BCR: variants seen among roughly 807,000 people sequenced by gnomAD.
BCR encodes the protein BCR activator of RhoGEF and GTPase, also known as breakpoint cluster region protein.
Under a neutral mutation model 138.6 loss-of-function variants are expected in BCR, and 58 were observed. The observed-to-expected ratio is 0.42, with a 90% CI of 0.34 to 0.52. BCR has a LOEUF of 0.52. BCR is among the 20% of genes least tolerant of loss of function. The pLI, the probability that BCR is intolerant of heterozygous loss-of-function variation, is 0.06. For missense variants in BCR, 1,599 were observed against 1,727.2 expected, an observed-to-expected ratio of 0.93 and a Z score of 1.32; for synonymous variants, 786 against 730.1, an observed-to-expected ratio of 1.08 and a Z score of -1.23.
intron 1 of BCR, chr22:23,198,505 C>T: frequency 3.8e-6 from 1 of 262,792 alleles, no homozygotes; most frequent in Non-Finnish European, 7.6e-6. Context: ...ATGGGCCTGA[C>T]ATGTTGTAGC....
At chr22:23,294,313 C>T (rs776035473) in intron 15 of BCR, among the ~76,000 whole-genome samples, 1 of 152,158 alleles carries the variant, frequency 6.6e-6, no homozygotes, top group Non-Finnish European at 1.5e-5. Flanking sequence ...CGTGGAATGA[C>T]GTGTATCCAC....
At chr22:23,287,086 G>T in intron 10 of BCR, 73 bp from the exon 11 acceptor site, 1 of 1,550,052 alleles carries the variant, frequency 6.5e-7, no homozygotes, top group East Asian at 2.4e-5. Flanking sequence ...GCTGGTGGTG[G>T]GGATGGATGG....
intron 4 of BCR, chr22:23,262,710 CG>C: frequency 1.3e-6 from 1 of 772,776 alleles, no homozygotes; most frequent in Non-Finnish European, 1.6e-6. Flanking sequence ...CGGGTGAGGG[CG>C]GGCCCGGGTG....
chr22:23,309,954 C>T (rs2330371), intron 17 of BCR: 1 of 341,318 alleles, frequency 2.9e-6, no homozygotes, highest in Non-Finnish European at 5.5e-6. Flanking sequence ...AAGAGAAAGC[C>T]AGGCACAGTG....
At chr22:23,260,329 G>T (rs1381522388) in intron 2 of BCR, among the ~76,000 whole-genome samples, 2 of 152,200 alleles carry the variant, frequency 1.3e-5, no homozygotes, top group Non-Finnish European at 2.9e-5. Context: ...TGATGTCAGG[G>T]TCTAAAAAGC....
chr22:23,204,787 C>T (rs2072593189), intron 1 of BCR, among the ~76,000 whole-genome samples: 1 of 152,190 alleles, frequency 6.6e-6, no homozygotes, highest in Non-Finnish European at 1.5e-5. Context: ...CAGCGGGAGG[C>T]CCTGCCGTCC....
rs1045477757 is a variant in BCR at position 23,261,375 on chromosome 22, C to T, written c.1587C>T (p.Ala529=). The change falls in exon 4 of 23, where the codon GCC becomes GCT. Residue 529 remains alanine (A), a synonymous_variant. Transcript: ENST00000305877. The part of the protein sequence containing the change: ...ALLLPMKPLK[A]AATTSQPVLT... ...TCCAGCCCATGAAGCCTTTGAAAGC[C>T]GCTGCCACCACCTCTCAGCCGGTGC... 26 of 1,612,868 alleles carry T rather than the reference C, an allele frequency of 1.6e-5. No individual in the cohort carries two copies. The highest frequency in any genetic ancestry group is 1.6e-4 in the Middle Eastern group (1 of 6,082).
intron 22 of BCR, 35 bp from the exon 23 acceptor site, chr22:23,315,398 G>A (rs1376163590): frequency 6.2e-7 from 1 of 1,602,708 alleles, no homozygotes; most frequent in Non-Finnish European, 8.5e-7. Context: ...GCCCCGCTCT[G>A]AGCCACTCTT....
chr22:23,280,371 C>T (rs1256252521), intron 8 of BCR, among the ~76,000 whole-genome samples: 2 of 152,176 alleles, frequency 1.3e-5, no homozygotes, highest in African/African-American at 4.8e-5. Flanking sequence ...ATAATGTGAC[C>T]TCACAGGGCC....
intron 8 of BCR, among the ~76,000 whole-genome samples, chr22:23,275,108 C>A (rs1157836666): frequency 1.3e-5 from 2 of 152,172 alleles, no homozygotes; most frequent in African/African-American, 4.8e-5. Flanking sequence ...CTGCCACACA[C>A]CACTTTGGGA....
chr22:23,290,132 G>A, intron 13 of BCR: 2 of 644,046 alleles, frequency 3.1e-6, no homozygotes, highest in Non-Finnish European at 5.6e-6. Context: ...TGGTTTGCCT[G>A]TATTGTGAAA....
At chr22:23,302,588 A>T (rs1489338738) in intron 16 of BCR, 3 of 152,442 alleles carry the variant, frequency 2.0e-5, no homozygotes, top group Admixed American at 1.3e-4. Flanking sequence ...AAAAGCCCAG[A>T]TTCAAAAAGG....
At chr22:23,201,155 C>A (rs1280003890) in intron 1 of BCR, among the ~76,000 whole-genome samples, 1 of 152,252 alleles carries the variant, frequency 6.6e-6, no homozygotes, top group African/African-American at 2.4e-5. Context: ...ACGTGCGCAG[C>A]TGGTCTGATT....
At chr22:23,216,613 A>G (rs2072755789) in intron 1 of BCR, among the ~76,000 whole-genome samples, 1 of 152,244 alleles carries the variant, frequency 6.6e-6, no homozygotes, top group Non-Finnish European at 1.5e-5. Context: ...ACCATCCCAA[A>G]GTTTAGAGGC....
intron 1 of BCR, among the ~76,000 whole-genome samples, chr22:23,197,637 T>A (rs1191102109): frequency 6.6e-6 from 1 of 152,050 alleles, no homozygotes. Flanking sequence ...TCATCCTATG[T>A]GGGTCTCCGA....
intron 1 of BCR, among the ~76,000 whole-genome samples, chr22:23,205,798 T>C (rs1237583311): frequency 6.6e-6 from 1 of 152,174 alleles, no homozygotes; most frequent in East Asian, 1.9e-4. Context: ...TGTGAGCATG[T>C]GAAACTATAA....
At chr22:23,301,980 A>C (rs777114201) in intron 16 of BCR, among the ~76,000 whole-genome samples, 9 of 152,172 alleles carry the variant, frequency 5.9e-5, no homozygotes, top group Non-Finnish European at 1.2e-4. Flanking sequence ...GACTGTGGGC[A>C]CCACCACAGC....
chr22:23,250,809 C>G lies in BCR; in HGVS notation c.1280-2990C>G, dbSNP rs566061911. Among the ~76,000 whole-genome samples, 132 of 152,218 alleles carry G rather than the reference C, an allele frequency of 8.7e-4. 1 individual carries two copies. The highest frequency in any genetic ancestry group is 1.7e-3 in the Non-Finnish European group (118 of 68,018). On this transcript the variant is annotated intron_variant, in intron 1 of 22. Coordinates refer to ENST00000305877, the MANE Select transcript of BCR (RefSeq NM_004327.4). ...TTGGAGACTAGCCTAGGCACCTTAGCGAGTCAACGTCTCTGTTAAAATTAA... is the reference window on the plus strand; with the variant it reads ...TTGGAGACTAGCCTAGGCACCTTAGGGAGTCAACGTCTCTGTTAAAATTAA...
intron 1 of BCR, among the ~76,000 whole-genome samples, chr22:23,195,439 AAT>A (rs1297673672): frequency 2.3e-4 from 35 of 151,088 alleles, no homozygotes; most frequent in African/African-American, 4.6e-4. Flanking sequence ...AAAAAAAAAA[AAT>A]ATCAGCTGGG....
Sources: allele counts gnomAD v4.1 joint callset (sites outside exome capture counted in the v4.1 genomes callset), GRCh38; gene constraint gnomAD v4.1.1; transcripts MANE v1.5; gene names NCBI Gene and HGNC (gene_info 2026-07-23, HGNC 2026-07-21).